The following DGKG variants were observed in gnomAD, a reference collection of about 807,000 sequenced individuals.
DGKG encodes diacylglycerol kinase gamma.
Under a neutral mutation model 105.3 loss-of-function variants are expected in DGKG, and 78 were observed. The observed-to-expected ratio is 0.74, with a 90% confidence interval of 0.62 to 0.89. The LOEUF (loss-of-function observed/expected upper bound fraction) is 0.89, where lower values mean the gene tolerates loss of function less well. Ranked by LOEUF, DGKG falls within the 40% of genes least tolerant of loss-of-function variation. The probability of loss-of-function intolerance (pLI) is 0.00; values close to 1 mark genes in which losing one functional copy is unlikely to be tolerated. For missense variants in DGKG, 958 were observed against 1,020.1 expected, an observed-to-expected ratio of 0.94 and a Z score of 0.83; for synonymous variants, 346 against 367.1, an observed-to-expected ratio of 0.94 and a Z score of 0.66.
intron 23 of DGKG, 103 bp from the exon 24 acceptor site, chr3:186,161,766 C>T: frequency 6.5e-7 from 1 of 1,549,768 alleles, no homozygotes; most frequent in East Asian, 2.3e-5. Context: ...TATCTGCCTA[C>T]CTAAGTGTGG....
chr3:186,217,323 C>T (rs554632362), intron 20 of DGKG, among the ~76,000 whole-genome samples: 14 of 152,156 alleles, frequency 9.2e-5, no homozygotes, highest in Non-Finnish European at 1.8e-4. Flanking sequence ...TAATCCTTAA[C>T]CAGCTGTTCT....
At chr3:186,247,977 TTTCCTTCCTTCCTCCC>T (rs1057260251) in intron 19 of DGKG, among the ~76,000 whole-genome samples, 27 of 152,022 alleles carry the variant, frequency 1.8e-4, no homozygotes, top group African/African-American at 6.5e-4. Context: ...TCCTTCCTTC[TTTCCTTCCTTCCTCCC>T]TTCCTTCCTT....
rs189782856 is a variant in DGKG at position 186,225,322 on chromosome 3, T to G, written c.1827-13437A>C. On this transcript the variant is annotated intron_variant, in intron 20 of 24. Coordinates refer to ENST00000265022, the MANE Select transcript of DGKG (RefSeq NM_001346.3). Reference sequence around the variant, plus strand: ...ACCCTTTGTCAATGCTTTAAAATTCTCCTCAAGCCCATTCATTCTCTCCTT... The same window carrying G: ...ACCCTTTGTCAATGCTTTAAAATTCGCCTCAAGCCCATTCATTCTCTCCTT... Among the ~76,000 whole-genome samples the G allele has an allele frequency of 7.2e-5, 11 of 152,296 alleles. No homozygotes were observed. In the East Asian group the frequency reaches 2.1e-3, roughly 29 times the overall value.
intron 5 of DGKG, among the ~76,000 whole-genome samples, chr3:186,296,790 C>G (rs531205482): frequency 4.6e-5 from 7 of 152,184 alleles, no homozygotes; most frequent in Non-Finnish European, 1.0e-4. Flanking sequence ...GCCTCAGTTT[C>G]TCATGTGTAA....
chr3:186,162,088 G>T (rs1038890116), intron 23 of DGKG, among the ~76,000 whole-genome samples: 2 of 152,158 alleles, frequency 1.3e-5, no homozygotes, highest in Non-Finnish European at 2.9e-5. Context: ...TAGAGACGGG[G>T]TTTCTCCATG....
At position 186,149,253 on chromosome 3, in the gene DGKG, C is replaced by T; in HGVS notation, c.*837G>A. ...TGGGGGTGGTTTTTTTTTTCCTTCCCTTTTTACACAATATTATGACACCAA... is the reference window on the plus strand; with the variant it reads ...TGGGGGTGGTTTTTTTTTTCCTTCCTTTTTTACACAATATTATGACACCAA... On this transcript the variant is annotated 3_prime_UTR_variant, in exon 25 of 25. Coordinates refer to ENST00000265022, the MANE Select transcript of DGKG (RefSeq NM_001346.3). 6.1e-6 allele frequency: 6 copies of T among 984,860 alleles called. No individual in the cohort carries two copies. Among genetic ancestry groups the T allele is most frequent in the Non-Finnish European group, 7.2e-6 (6 of 829,774 alleles). 61.0% of individuals were successfully genotyped at this position (984,860 alleles called of 1,614,324 possible).
intron 16 of DGKG, among the ~76,000 whole-genome samples, chr3:186,259,715 G>A (rs1721664202): frequency 6.6e-6 from 1 of 151,946 alleles, no homozygotes; most frequent in African/African-American, 2.4e-5. Context: ...CCAGTAGAGG[G>A]CTCTCGAGCA....
At chr3:186,329,548 AG>A (rs1725502117) in intron 1 of DGKG, among the ~76,000 whole-genome samples, 1 of 152,202 alleles carries the variant, frequency 6.6e-6, no homozygotes, top group Non-Finnish European at 1.5e-5. Context: ...ATCAGATTGG[AG>A]AAGCCTATTT....
In DGKG at chr3:186,188,143, C is replaced by G. The variant is rs187896616; in HGVS notation, c.2095+59G>C. 4 of 1,591,252 alleles carry G rather than the reference C, an allele frequency of 2.5e-6. No homozygotes were observed. In the South Asian group the frequency reaches 4.6e-5, roughly 18 times the overall value. On this transcript the variant is annotated intron_variant, in intron 22 of 24. Coordinates refer to ENST00000265022, the MANE Select transcript of DGKG (RefSeq NM_001346.3). ...GCCTTACGAGGCCTGCTGACATCCA[C>G]CTGAGGGCACCTACTACTGGGCATT... is the stretch of plus-strand genomic sequence containing the variant.
intron 6 of DGKG, among the ~76,000 whole-genome samples, chr3:186,285,809 C>A (rs77205148): frequency 7.9e-5 from 12 of 151,700 alleles, no homozygotes; most frequent in African/African-American, 2.2e-4. Context: ...CCTCCTGAGT[C>A]GCTGGGATTA....
chr3:186,348,838 A>AT (rs1726488376), intron 1 of DGKG, among the ~76,000 whole-genome samples: 1 of 151,958 alleles, frequency 6.6e-6, no homozygotes. Flanking sequence ...ACACTTGCTT[A>AT]TTTTTTCTCT....
chr3:186,308,299 A>G (rs1258507132), intron 2 of DGKG, among the ~76,000 whole-genome samples: 1 of 152,206 alleles, frequency 6.6e-6, no homozygotes, highest in Non-Finnish European at 1.5e-5. Flanking sequence ...ACACATTATG[A>G]ATGCATCTTG....
intron 21 of DGKG, among the ~76,000 whole-genome samples, chr3:186,193,907 G>T (rs1277829863): frequency 6.6e-6 from 1 of 152,224 alleles, no homozygotes. Context: ...CCGAGGCTGC[G>T]CTGGGCGGAA....
At chr3:186,152,879 G>C (rs1213994695) in intron 24 of DGKG, among the ~76,000 whole-genome samples, 4 of 151,486 alleles carry the variant, frequency 2.6e-5, no homozygotes, top group Non-Finnish European at 5.9e-5. Flanking sequence ...GGCCAGGATG[G>C]TCTCGATCTC....
Position 186,269,814 on chromosome 3 carries a change from G to A in DGKG, c.1000-897C>T, listed in dbSNP as rs551284786. ...CTCCGTGACCAGGAAAGACCACCAGGGCAGGCTAGGCACTTGGAAACAGGT... is the reference window on the plus strand; with the variant it reads ...CTCCGTGACCAGGAAAGACCACCAGAGCAGGCTAGGCACTTGGAAACAGGT... On this transcript the variant is annotated intron_variant, in intron 11 of 24. Transcript: ENST00000265022. Among the ~76,000 whole-genome samples, 16 of 152,308 alleles carry A rather than the reference G, an allele frequency of 1.1e-4. No homozygotes were observed. The East Asian group carries it at 2.1e-3, about 20-fold the overall frequency.
intron 20 of DGKG, among the ~76,000 whole-genome samples, chr3:186,238,681 T>A (rs976885624): frequency 1.3e-5 from 2 of 152,202 alleles, no homozygotes; most frequent in East Asian, 3.8e-4. Context: ...TATTGATAAC[T>A]AGGAGGTAGA....
rs375497329 is a variant in DGKG at position 186,323,979 on chromosome 3, A to C, written c.-248-3272T>G. On this transcript the variant is annotated intron_variant, in intron 1 of 24. Transcript: ENST00000265022. Reference sequence around the variant, plus strand: ...AAAAATTAGCTGGGTGTCGTGGTGCATGCTTGTAATCCCAGCTACTCGGGA... The same window carrying C: ...AAAAATTAGCTGGGTGTCGTGGTGCCTGCTTGTAATCCCAGCTACTCGGGA... 1.9e-4 allele frequency among the ~76,000 whole-genome samples: 29 copies of C among 149,954 alleles called. No homozygotes were observed. The East Asian group carries it at 3.3e-3, about 17-fold the overall frequency.
chr3:186,192,037 C>T (rs931381292), intron 21 of DGKG, among the ~76,000 whole-genome samples: 5 of 151,824 alleles, frequency 3.3e-5, no homozygotes, highest in Admixed American at 6.6e-5. Context: ...GACAGAGTTT[C>T]GCTCTTGTCG....
At chr3:186,184,843 A>G (rs1560085079) in intron 22 of DGKG, among the ~76,000 whole-genome samples, 1 of 152,196 alleles carries the variant, frequency 6.6e-6, no homozygotes, top group East Asian at 1.9e-4. Flanking sequence ...ATCGCAACAC[A>G]TGAAGAGGCT....
Sources: allele counts gnomAD v4.1 joint callset (sites outside exome capture counted in the v4.1 genomes callset), GRCh38; gene constraint gnomAD v4.1.1; transcripts MANE v1.5; gene names NCBI Gene and HGNC (gene_info 2026-07-23, HGNC 2026-07-21).